The following DAAM2 variants were observed in gnomAD, a reference collection of about 807,000 sequenced individuals.
The protein encoded by DAAM2 is disheveled-associated activator of morphogenesis 2.
A neutral mutation model predicts 120.7 loss-of-function variants in DAAM2; 39 were observed. The observed-to-expected ratio is 0.32, with a 90% CI of 0.25 to 0.42. The LOEUF is 0.42. Among genes scored for constraint, DAAM2 ranks in the 10% least tolerant of loss-of-function variants. The pLI is 1.00. For missense variants in DAAM2, 1,283 were observed against 1,401.7 expected (o/e 0.92, Z 1.35); for synonymous variants, 488 against 524.9 (o/e 0.93, Z 0.96).
At chr6:39,866,365 T>TA (rs375149171) in intron 5 of DAAM2, among the ~76,000 whole-genome samples, 10 of 152,176 alleles carry the variant, frequency 6.6e-5, no homozygotes, top group Admixed American at 5.2e-4. Context: ...TAGAAAAAAG[T>TA]AAAAAAATAG....
chr6:39,809,457 G>A (rs2114051116), intron 1 of DAAM2, among the ~76,000 whole-genome samples: 1 of 152,296 alleles, frequency 6.6e-6, no homozygotes, highest in South Asian at 2.1e-4. Context: ...CTGGGGAATG[G>A]TGAAATGTTC....
intron 15 of DAAM2, chr6:39,886,022 A>G (rs189155085): frequency 6.3e-4 from 110 of 173,676 alleles, no homozygotes; most frequent in African/African-American, 2.4e-3. Context: ...CTCCTCCTCT[A>G]TTTAGAAAGG....
chr6:39,822,344 C>G (rs1275436931), intron 1 of DAAM2: 1 of 152,174 alleles, frequency 6.6e-6, no homozygotes, highest in Non-Finnish European at 1.5e-5. Context: ...GGCACTCACC[C>G]GAGGGTTTCC....
chr6:39,865,908 CT>C (rs1282296237), intron 5 of DAAM2, among the ~76,000 whole-genome samples: 4 of 152,146 alleles, frequency 2.6e-5, no homozygotes, highest in Non-Finnish European at 5.9e-5. Flanking sequence ...CATGGAAACA[CT>C]ATGAAATATG....
chr6:39,900,316 G>A (rs1766402618), intron 23 of DAAM2, 108 bp downstream of exon 23: 3 of 1,308,146 alleles, frequency 2.3e-6, no homozygotes, highest in Non-Finnish European at 3.1e-6. Flanking sequence ...CAGAGTTACA[G>A]AGCTTTGAGA....
chr6:39,882,703 GCACACACACA>G (rs59036252), intron 14 of DAAM2, among the ~76,000 whole-genome samples: 93,799 of 150,164 alleles, frequency 0.62, 29,378 homozygotes, highest in East Asian at 0.83. Flanking sequence ...TTCTGTGAGC[GCACACACACA>G]CACACGCACA....
intron 1 of DAAM2, among the ~76,000 whole-genome samples, chr6:39,809,055 C>T (rs191917288): frequency 1.3e-5 from 2 of 152,278 alleles, no homozygotes; most frequent in Admixed American, 1.3e-4. Flanking sequence ...AGGCTATTTA[C>T]AGAGGAGGGA....
chr6:39,804,664 A>G (rs1329032266), intron 1 of DAAM2, among the ~76,000 whole-genome samples: 1 of 152,184 alleles, frequency 6.6e-6, no homozygotes, highest in Admixed American at 6.5e-5. Context: ...TTAGGTTTGA[A>G]TTCCAGCCTT....
intron 1 of DAAM2, among the ~76,000 whole-genome samples, chr6:39,835,981 G>A (rs1265639170): frequency 1.3e-5 from 2 of 152,148 alleles, no homozygotes; most frequent in Non-Finnish European, 2.9e-5. Flanking sequence ...GGTTGGGGGT[G>A]GGGTGGTAGT....
intron 14 of DAAM2, chr6:39,880,047 C>T (rs1340372923): frequency 5.8e-6 from 1 of 172,034 alleles, no homozygotes; most frequent in Non-Finnish European, 1.3e-5. Context: ...ATGGGACTCC[C>T]ATGAGCATAG....
intron 1 of DAAM2, among the ~76,000 whole-genome samples, chr6:39,805,328 ATACC>A (rs1320347649): frequency 6.6e-6 from 1 of 152,176 alleles, no homozygotes; most frequent in East Asian, 1.9e-4. Flanking sequence ...GATGGTAATG[ATACC>A]TACTCCCAAA....
intron 17 of DAAM2, among the ~76,000 whole-genome samples, chr6:39,890,302 T>C (rs1228417754): frequency 6.6e-6 from 1 of 152,140 alleles, no homozygotes; most frequent in Non-Finnish European, 1.5e-5. Context: ...TCCTGCACAG[T>C]TCAACCCTGT....
At chr6:39,809,932 CCT>C (rs1762114342) in intron 1 of DAAM2, among the ~76,000 whole-genome samples, 1 of 151,830 alleles carries the variant, frequency 6.6e-6, no homozygotes, top group Non-Finnish European at 1.5e-5. Flanking sequence ...ACCCAGGCTC[CCT>C]CTCTCTCTCT....
At position 39,902,022 on chromosome 6, in the gene DAAM2, C is replaced by G. The variant is rs369321854; in HGVS notation, c.3192C>G (p.Asn1064Lys). The change falls in exon 25 of 25, where the codon AAC becomes AAG. Residue 1064 changes from asparagine (N) to lysine (K), a missense_variant. Transcript: ENST00000274867. ...ALEVTRERAI[N>K]RLNY ...AAGTTACCCGGGAGCGGGCAATAAA[C>G]CGGCTAAATTATTGACCTGGGGAAC... 1.4e-4 allele frequency: 228 copies of G among 1,606,784 alleles called. No individual in the cohort carries two copies. The highest frequency in any genetic ancestry group is 1.8e-4 in the Non-Finnish European group (208 of 1,175,226).
intron 1 of DAAM2, chr6:39,820,692 C>T (rs1396820967): frequency 6.6e-6 from 1 of 152,262 alleles, no homozygotes; most frequent in South Asian, 2.1e-4. Flanking sequence ...GGTTGAGCTC[C>T]AGTAGAATCA....
At chr6:39,868,035 G>T (rs1410987920) in intron 6 of DAAM2, 192 bp downstream of exon 6, 1 of 590,128 alleles carries the variant, frequency 1.7e-6, no homozygotes, top group African/African-American at 1.9e-5. Flanking sequence ...ACACATGCAG[G>T]GCCTTAAGAG....
chr6:39,818,965 C>T (rs1436090088), intron 1 of DAAM2: 1 of 152,158 alleles, frequency 6.6e-6, no homozygotes, highest in African/African-American at 2.4e-5. Flanking sequence ...TGCCTTTGTT[C>T]CACACCCTTT....
At chr6:39,812,663 C>CTTTTGGAGTCAGCAGGTAGG (rs150516239) in intron 1 of DAAM2, among the ~76,000 whole-genome samples, 1 of 151,650 alleles carries the variant, frequency 6.6e-6, no homozygotes, top group Admixed American at 6.6e-5. Context: ...CAGCAGGTAG[C>CTTTTGGAGTCAGCAGGTAGG]TTTTGGAGTG....
chr6:39,891,032 G>C (rs372080103), intron 17 of DAAM2, among the ~76,000 whole-genome samples: 1 of 151,238 alleles, frequency 6.6e-6, no homozygotes, highest in African/African-American at 2.4e-5. Flanking sequence ...GGTCACGGCT[G>C]CAGTGAGCTA....
Sources: gnomAD v4.1 joint callset for allele counts (sites outside exome capture counted in the v4.1 genomes callset) on GRCh38, gnomAD v4.1.1 for gene constraint, MANE v1.5 for transcripts, NCBI Gene and HGNC (gene_info 2026-07-23, HGNC 2026-07-21) for gene names.